Variants in DNAH11 observed in about 807,000 individuals in gnomAD.
The protein encoded by DNAH11 is dynein axonemal heavy chain 11, also known as axonemal beta dynein heavy chain 11.
DNAH11 carries 442 observed loss-of-function variants against 526.0 expected under a neutral mutation model. The ratio of observed to expected loss-of-function variants is 0.84; its 90% CI spans 0.78 to 0.91. The LOEUF (loss-of-function observed/expected upper bound fraction) is 0.91. DNAH11 is among the 40% of genes least tolerant of loss of function. The pLI, the probability that DNAH11 is intolerant of heterozygous loss-of-function variation, is 0.00. For missense variants in DNAH11, 6,989 were observed against 5,448.7 expected, an observed-to-expected ratio of 1.28 and a Z score of -8.90; for synonymous variants, 2,461 against 1,935.9, an observed-to-expected ratio of 1.27 and a Z score of -7.12.
chr7:21,559,773 T>G lies in DNAH11; in HGVS notation c.863T>G (p.Leu288Arg), dbSNP rs1783382860. ...LDFWMMRRENLSCIYDQLQAP... is the reference protein window; with the variant it reads ...LDFWMMRRENRSCIYDQLQAP... The stretch of plus-strand genomic sequence containing the variant: ...TTCTGGATGATGAGGAGAGAAAATC[T>G]GTCATGCATTTATGATCAAGTAAGT... Residue 288 changes from leucine to arginine, a missense_variant, in exon 4 of 82, where the codon CTG becomes CGG. Physicochemically the swap from Leu to Arg is moderately radical, Grantham distance 102 (BLOSUM62 -2). Coordinates refer to ENST00000409508, the MANE Select transcript of DNAH11 (RefSeq NM_001277115.2). The G allele has an allele frequency of 6.2e-7, 1 of 1,600,592 alleles. No homozygotes were observed. Among genetic ancestry groups the G allele is most frequent in the South Asian group, 1.1e-5 (1 of 88,828 alleles).
chr7:21,690,118 C>A (rs898225747), intron 34 of DNAH11, among the ~76,000 whole-genome samples: 1 of 152,128 alleles, frequency 6.6e-6, no homozygotes, highest in Non-Finnish European at 1.5e-5. Context: ...TATTTATAAT[C>A]CCTTTTAAAT....
rs767858859 is a variant in DNAH11 at position 21,687,406 on chromosome 7, T to C, written c.5803T>C (p.Leu1935=). 4.8e-5 allele frequency: 78 copies of C among 1,613,528 alleles called. 1 individual carries two copies. Among genetic ancestry groups the C allele is most frequent in the South Asian group, 2.1e-4 (19 of 90,956 alleles). The change falls in exon 34 of 82, where the codon TTG becomes CTG. Residue 1935 remains leucine, a synonymous_variant. Transcript: ENST00000409508. ...YKSIGNIYKG[L]VQTGAWGCFD... The stretch of plus-strand genomic sequence containing the variant: ...GTCCATAGGCAATATCTATAAGGGA[T>C]TGGTGCAGACAGGAGCTTGGGGCTG...
chr7:21,793,694 C>T (rs1240437890), intron 61 of DNAH11, among the ~76,000 whole-genome samples: 1 of 151,130 alleles, frequency 6.6e-6, no homozygotes, highest in Non-Finnish European at 1.5e-5. Context: ...CCTATGTAGT[C>T]TAGTGTTTAG....
Position 21,564,287 on chromosome 7 carries a change from G to C in DNAH11, c.1084G>C (p.Ala362Pro), listed in dbSNP as rs771256529. The C allele has an allele frequency of 1.2e-6, 2 of 1,613,446 alleles. No individual in the cohort carries two copies. Among genetic ancestry groups the C allele is most frequent in the Non-Finnish European group, 1.7e-6 (2 of 1,179,632 alleles). Reference protein sequence around the residue: ...TEFPQTRILIAPLFHTICLIW... With the variant: ...TEFPQTRILIPPLFHTICLIW... ...ATTCCCACAGACACGCATATTAATC[G>C]CTCCATTATTTCATACCATCTGTCT... Residue 362 changes from alanine to proline, a missense_variant, in exon 6 of 82, where the codon GCT becomes CCT. Coordinates refer to ENST00000409508, the MANE Select transcript of DNAH11 (RefSeq NM_001277115.2).
At chr7:21,894,514 C>A in intron 77 of DNAH11, 109 bp from the exon 78 acceptor site, 1 of 1,166,180 alleles carries the variant, frequency 8.6e-7, no homozygotes, top group Non-Finnish European at 1.2e-6. Context: ...CAGGCACCTT[C>A]GGAAGTCGTA....
chr7:21,667,957 C>T (rs890519080), intron 30 of DNAH11, among the ~76,000 whole-genome samples: 6 of 152,078 alleles, frequency 3.9e-5, no homozygotes, highest in Middle Eastern at 3.4e-3. Flanking sequence ...TAAATAGGAC[C>T]CTGTTTCAAT....
rs769991453 is a variant in DNAH11, at chr7:21,778,981, T to C, written c.9360T>C (p.Leu3120=). ...ASQVGDLKAR[L]ASQEAELQLR... is the part of the protein sequence containing the mutation. ...AGGTGGGAGATCTAAAAGCCAGACT[T>C]GCCTCTCAAGAAGCCGAGCTGCAAC... The change falls in exon 57 of 82, where the codon CTT becomes CTC. Residue 3120 remains leucine, a synonymous_variant. Coordinates refer to ENST00000409508, the MANE Select transcript of DNAH11 (RefSeq NM_001277115.2). 7.4e-6 allele frequency: 12 copies of C among 1,613,110 alleles called. No homozygotes were observed. In the South Asian group the frequency reaches 1.3e-4, roughly 18 times the overall value.
In DNAH11 at chr7:21,872,123, C is replaced by CAAAAAAAAAAAAAAAAAAAAAAA. The variant is rs776718319; in HGVS notation, c.11968-1147_11968-1125dup. The stretch of plus-strand genomic sequence containing the variant: ...TGGGTGACAGAGCGAGACTCTGTCT[C>CAAAAAAAAAAAAAAAAAAAAAAA]AAAAAAAAAAAAAAAAAAAAAAAAA... On this transcript the variant is annotated intron_variant, in intron 73 of 81. Transcript: ENST00000409508. 1.3e-4 allele frequency among the ~76,000 whole-genome samples: 4 copies of CAAAAAAAAAAAAAAAAAAAAAAA among 30,832 alleles called. 1 individual carries two copies. Among genetic ancestry groups the CAAAAAAAAAAAAAAAAAAAAAAA allele is most frequent in the Non-Finnish European group, 2.2e-4 (4 of 17,974 alleles). 20.2% of individuals were successfully genotyped at this position (30,832 alleles called of 152,430 possible).
chr7:21,606,837 T>C (rs1234822347), intron 20 of DNAH11, 104 bp downstream of exon 20: 10 of 1,029,176 alleles, frequency 9.7e-6, no homozygotes, highest in African/African-American at 6.4e-5. Context: ...TTTGCTGTTA[T>C]AGGAATTGAT....
rs748680378 is a variant in DNAH11 at position 21,636,023 on chromosome 7, C to T, written c.4653C>T (p.Val1551=). The T allele has an allele frequency of 6.2e-7, 1 of 1,613,668 alleles. No individual in the cohort carries two copies. The highest frequency in any genetic ancestry group is 8.5e-7 in the Non-Finnish European group (1 of 1,179,766). Residue 1551 remains valine (V), a synonymous_variant, in exon 26 of 82, where the codon GTC becomes GTT. Coordinates refer to ENST00000409508, the MANE Select transcript of DNAH11 (RefSeq NM_001277115.2). ...GGTCTCACCTGGAAAGCATTTTTGT[C>T]TGTTCAGAAGATATTCGAATCCAGC... The part of the protein sequence containing the change: ...RTWSHLESIF[V]CSEDIRIQLV...
chr7:21,742,841 G>A (rs923872049), intron 49 of DNAH11, among the ~76,000 whole-genome samples: 3 of 152,108 alleles, frequency 2.0e-5, no homozygotes, highest in South Asian at 2.1e-4. Context: ...CAAAATACCC[G>A]AGATTGGGTA....
chr7:21,700,540 A>G (rs2128477729), intron 36 of DNAH11, among the ~76,000 whole-genome samples: 1 of 152,102 alleles, frequency 6.6e-6, no homozygotes, highest in South Asian at 2.1e-4. Flanking sequence ...TAACTTAGCC[A>G]CCTCCCATTG....
intron 54 of DNAH11, among the ~76,000 whole-genome samples, chr7:21,764,132 G>A (rs1787059848): frequency 6.6e-6 from 1 of 152,166 alleles, no homozygotes; most frequent in African/African-American, 2.4e-5. Flanking sequence ...TGGACTTACA[G>A]TTAACAATCC....
At chr7:21,639,108 G>A (rs780847310) in intron 28 of DNAH11, 43 bp downstream of exon 28, 1 of 1,562,676 alleles carries the variant, frequency 6.4e-7, no homozygotes, top group South Asian at 1.2e-5. Flanking sequence ...TGTGTTAGCT[G>A]AGGAATGTCA....
At chr7:21,638,507 G>T (rs1405510106) in intron 27 of DNAH11, among the ~76,000 whole-genome samples, 1 of 152,114 alleles carries the variant, frequency 6.6e-6, no homozygotes, top group African/African-American at 2.4e-5. Flanking sequence ...GAAGTCACTT[G>T]TGTTTTGTAG....
chr7:21,551,048 G>T (rs1783003056), intron 2 of DNAH11, among the ~76,000 whole-genome samples: 1 of 152,062 alleles, frequency 6.6e-6, no homozygotes, highest in Admixed American at 6.5e-5. Context: ...TAATTCCTAA[G>T]TATTGCATCA....
At chr7:21,648,640 A>T (rs905362666) in intron 28 of DNAH11, among the ~76,000 whole-genome samples, 4 of 152,200 alleles carry the variant, frequency 2.6e-5, no homozygotes, top group African/African-American at 4.8e-5. Context: ...AACACACAGA[A>T]TTGTGGCTGA....
intron 20 of DNAH11, among the ~76,000 whole-genome samples, chr7:21,612,445 C>T (rs1323154114): frequency 6.6e-6 from 1 of 150,504 alleles, no homozygotes; most frequent in African/African-American, 2.4e-5. Flanking sequence ...GTCCCAGCTA[C>T]TCAGGGGGCT....
chr7:21,657,582 T>C (rs895851277), intron 29 of DNAH11, among the ~76,000 whole-genome samples: 1 of 152,198 alleles, frequency 6.6e-6, no homozygotes, highest in African/African-American at 2.4e-5. Context: ...GTGGAGGATA[T>C]GGATCCCAGG....
Sources: gnomAD v4.1 joint callset for allele counts (sites outside exome capture counted in the v4.1 genomes callset) on GRCh38, gnomAD v4.1.1 for gene constraint, MANE v1.5 for transcripts, NCBI Gene and HGNC (gene_info 2026-07-23, HGNC 2026-07-21) for gene names.